The following ZNF618 variants were observed in gnomAD, a reference collection of about 807,000 sequenced individuals.
ZNF618 encodes the protein neural precursor cell expressed, developmentally down-regulated 10.
Under a neutral mutation model 103.0 loss-of-function variants are expected in ZNF618, and 34 were observed. The ratio of observed to expected loss-of-function variants is 0.33; its 90% CI spans 0.25 to 0.44. ZNF618 has a LOEUF of 0.44. ZNF618 is among the 20% of genes least tolerant of loss of function. ZNF618 has a pLI of 1.00. For missense variants in ZNF618, 1,059 were observed against 1,295.4 expected, an observed-to-expected ratio of 0.82 and a Z score of 2.80; for synonymous variants, 551 against 542.2, an observed-to-expected ratio of 1.02 and a Z score of -0.23.
intron 1 of ZNF618, among the ~76,000 whole-genome samples, chr9:113,967,693 G>C (rs814699): frequency 0.2 from 30,386 of 152,124 alleles, 3,094 homozygotes; most frequent in East Asian, 0.25. Flanking sequence ...CCTATGGTGA[G>C]GATTAAATGA....
At chr9:114,019,951 AT>A (rs2134005345) in intron 10 of ZNF618, among the ~76,000 whole-genome samples, 1 of 152,248 alleles carries the variant, frequency 6.6e-6, no homozygotes, top group South Asian at 2.1e-4. Flanking sequence ...CTGTTTTATT[AT>A]CTTTTAGAAG....
In ZNF618 at chr9:113,908,216, A is replaced by T. The variant is rs150364929; in HGVS notation, c.33+31803A>T. ...CACTTGTTCGTAAGTTAAGACCCTAACATTTATAGAGAAAAACATCATCTT... is the reference window on the plus strand; with the variant it reads ...CACTTGTTCGTAAGTTAAGACCCTATCATTTATAGAGAAAAACATCATCTT... On this transcript the variant is annotated intron_variant, in intron 1 of 14. Coordinates refer to ENST00000374126, the MANE Select transcript of ZNF618 (RefSeq NM_001318042.2). 3.3e-5 allele frequency among the ~76,000 whole-genome samples: 5 copies of T among 150,162 alleles called. No individual in the cohort carries two copies. The East Asian group carries it at 7.7e-4, about 23-fold the overall frequency.
intron 12 of ZNF618, among the ~76,000 whole-genome samples, chr9:114,035,393 A>C (rs1467532279): frequency 6.6e-6 from 1 of 152,090 alleles, no homozygotes; most frequent in Admixed American, 6.5e-5. Context: ...GCCGAGGTCC[A>C]GCCCTGGGCG....
rs1828509581 is a variant in ZNF618, at chr9:113,881,475, C to T, written c.33+5062C>T. ...AACTCAGTATATCCATAATACTATC[C>T]TTTCATCAAGCCATCCATATGAAAA... On this transcript the variant is annotated intron_variant, in intron 1 of 14. Coordinates refer to ENST00000374126, the MANE Select transcript of ZNF618 (RefSeq NM_001318042.2). Among the ~76,000 whole-genome samples the T allele has an allele frequency of 4.6e-5, 7 of 152,182 alleles. No individual in the cohort carries two copies. In the South Asian group the frequency reaches 1.4e-3, roughly 32 times the overall value.
chr9:114,036,198 C>T (rs1382316563), intron 12 of ZNF618, 102 bp from the exon 13 acceptor site: 18 of 1,053,964 alleles, frequency 1.7e-5, no homozygotes, highest in South Asian at 1.5e-4. Context: ...CACAGAGACC[C>T]GGTGTGTGTT....
chr9:113,946,595 G>T (rs896354781), intron 1 of ZNF618, among the ~76,000 whole-genome samples: 1 of 152,126 alleles, frequency 6.6e-6, no homozygotes, highest in Non-Finnish European at 1.5e-5. Flanking sequence ...CTGACCCAGC[G>T]TGTAATTACC....
chr9:113,965,896 T>C (rs1462323438), intron 1 of ZNF618, among the ~76,000 whole-genome samples: 1 of 152,170 alleles, frequency 6.6e-6, no homozygotes, highest in Non-Finnish European at 1.5e-5. Flanking sequence ...TCATTCTGGC[T>C]GCACCGTTGG....
intron 1 of ZNF618, among the ~76,000 whole-genome samples, chr9:113,910,010 C>G (rs1382851888): frequency 6.6e-6 from 1 of 152,136 alleles, no homozygotes; most frequent in Non-Finnish European, 1.5e-5. Context: ...GTCTCGAACT[C>G]CTGACCTCAG....
intron 10 of ZNF618, among the ~76,000 whole-genome samples, chr9:114,021,901 C>T (rs552670095): frequency 6.6e-6 from 1 of 152,200 alleles, no homozygotes; most frequent in East Asian, 1.9e-4. Flanking sequence ...TTCATCTATG[C>T]TTACATGTAT....
Position 113,908,119 on chromosome 9 carries a change from G to A in ZNF618, c.33+31706G>A, listed in dbSNP as rs1170891364. Among the ~76,000 whole-genome samples, 3 of 152,182 alleles carry A rather than the reference G, an allele frequency of 2.0e-5. 1 individual carries two copies. Among genetic ancestry groups the A allele is most frequent in the Non-Finnish European group, 4.4e-5 (3 of 68,036 alleles). Reference sequence around the variant, plus strand: ...GGCTCCTGAGAACTGGGAGGCTCGGGCAGTCAAAAGAATCTTCATGTCTTG... The same window carrying A: ...GGCTCCTGAGAACTGGGAGGCTCGGACAGTCAAAAGAATCTTCATGTCTTG... On this transcript the variant is annotated intron_variant, in intron 1 of 14. Coordinates refer to ENST00000374126, the MANE Select transcript of ZNF618 (RefSeq NM_001318042.2).
chr9:113,879,531 G>C (rs1828310663), intron 1 of ZNF618, among the ~76,000 whole-genome samples: 1 of 151,496 alleles, frequency 6.6e-6, no homozygotes, highest in South Asian at 2.1e-4. Flanking sequence ...ATTGAGATCT[G>C]ACCTTGGCCT....
At chr9:113,915,216 T>A (rs1026266205) in intron 1 of ZNF618, among the ~76,000 whole-genome samples, 2 of 152,130 alleles carry the variant, frequency 1.3e-5, no homozygotes, top group Non-Finnish European at 2.9e-5. Flanking sequence ...GCATCTGAGG[T>A]TGCTTTCTAG....
Position 114,051,747 on chromosome 9 carries a change from T to A in ZNF618, c.*1580T>A, listed in dbSNP as rs1333926850. 2 of 152,456 alleles carry A rather than the reference T, an allele frequency of 1.3e-5. No homozygotes were observed. Among genetic ancestry groups the A allele is most frequent in the Non-Finnish European group, 2.9e-5 (2 of 68,242 alleles). The allele number at this position is 152,456 out of a possible 1,614,324, so 9.4% of individuals were successfully genotyped here. On this transcript the variant is annotated 3_prime_UTR_variant, in exon 15 of 15. Coordinates refer to ENST00000374126, the MANE Select transcript of ZNF618 (RefSeq NM_001318042.2). ...TCGACTCGATGCTGTGAAAGATGTC[T>A]TCAGGCTTTTCTCTCCTGTTCCCCC...
At chr9:114,027,622 A>T (rs751588066) in intron 10 of ZNF618, among the ~76,000 whole-genome samples, 1 of 152,238 alleles carries the variant, frequency 6.6e-6, no homozygotes, top group Non-Finnish European at 1.5e-5. Flanking sequence ...AGGAATGAGC[A>T]GAGGTGGCGG....
chr9:113,929,020 T>C (rs1363217621), intron 1 of ZNF618, among the ~76,000 whole-genome samples: 1 of 152,204 alleles, frequency 6.6e-6, no homozygotes, highest in Non-Finnish European at 1.5e-5. Context: ...CAGCACACTC[T>C]ATGCTATTTC....
intron 1 of ZNF618, among the ~76,000 whole-genome samples, chr9:113,961,839 C>T (rs1836867301): frequency 6.6e-6 from 1 of 152,180 alleles, no homozygotes; most frequent in Non-Finnish European, 1.5e-5. Flanking sequence ...CTGGAGCTGC[C>T]TGTGCCTGAG....
chr9:113,918,269 C>T (rs1250131983), intron 1 of ZNF618, among the ~76,000 whole-genome samples: 1 of 152,190 alleles, frequency 6.6e-6, no homozygotes, highest in African/African-American at 2.4e-5. Flanking sequence ...TGACTTACTA[C>T]TGGTGATGTT....
chr9:114,015,902 G>A (rs1380575264), intron 9 of ZNF618, among the ~76,000 whole-genome samples: 5 of 152,278 alleles, frequency 3.3e-5, no homozygotes, highest in African/African-American at 1.2e-4. Flanking sequence ...TATTGATCAG[G>A]ACTGGCTAAT....
intron 2 of ZNF618, among the ~76,000 whole-genome samples, chr9:113,983,396 G>A (rs1257018707): frequency 2.6e-5 from 4 of 152,202 alleles, no homozygotes; most frequent in African/African-American, 4.8e-5. Flanking sequence ...AGTCGGGGGC[G>A]AGGGGAAGAG....
Sources: allele counts gnomAD v4.1 joint callset (sites outside exome capture counted in the v4.1 genomes callset), GRCh38; gene constraint gnomAD v4.1.1; transcripts MANE v1.5; gene names NCBI Gene and HGNC (gene_info 2026-07-23, HGNC 2026-07-21).